Variants in ELF1 observed in about 807,000 individuals in gnomAD.
ELF1 encodes the protein E74 like ETS transcription factor 1, also known as ETS-related transcription factor Elf-1.
In ELF1, 24 loss-of-function variants were observed where a neutral mutation model predicts 59.9. The ratio of observed to expected loss-of-function variants is 0.40; its 90% CI spans 0.29 to 0.56. The LOEUF (loss-of-function observed/expected upper bound fraction) is 0.56. Ranked by LOEUF, ELF1 falls within the 20% of genes least tolerant of loss-of-function variation. ELF1 has a pLI of 0.44. For missense variants in ELF1, 627 were observed against 742.2 expected (o/e 0.84, Z 1.80); for synonymous variants, 248 against 266.2 (o/e 0.93, Z 0.67).
chr13:41,037,807 G>GA (rs1163912163), intron 1 of ELF1, among the ~76,000 whole-genome samples: 6 of 149,674 alleles, frequency 4.0e-5, no homozygotes, highest in East Asian at 2.0e-4. Flanking sequence ...AAAAAAAAAA[G>GA]AAAAAAAAGA....
At chr13:40,937,251 A>G (rs1314737704) in intron 8 of ELF1, among the ~76,000 whole-genome samples, 1 of 152,210 alleles carries the variant, frequency 6.6e-6, no homozygotes, top group African/African-American at 2.4e-5. Context: ...AAACAACTGG[A>G]AAAATATTGC....
At chr13:40,950,062 A>G in intron 4 of ELF1, 89 bp from the exon 5 acceptor site, 1 of 1,141,416 alleles carries the variant, frequency 8.8e-7, no homozygotes, top group Non-Finnish European at 1.2e-6. Context: ...TATTATGACT[A>G]GAAGATTAAA....
At chr13:41,014,462 T>C (rs2138374249) in intron 1 of ELF1, among the ~76,000 whole-genome samples, 1 of 152,260 alleles carries the variant, frequency 6.6e-6, no homozygotes, top group East Asian at 1.9e-4. Context: ...TGAGTTATTT[T>C]CCTCATATAA....
At chr13:41,032,675 C>T (rs1339748234) in intron 1 of ELF1, among the ~76,000 whole-genome samples, 1 of 151,884 alleles carries the variant, frequency 6.6e-6, no homozygotes, top group East Asian at 1.9e-4. Context: ...CACAGTGAGA[C>T]CCTGTCTCTA....
At chr13:40,983,283 G>C (rs571261502) in intron 1 of ELF1, among the ~76,000 whole-genome samples, 1 of 152,122 alleles carries the variant, frequency 6.6e-6, no homozygotes, top group Non-Finnish European at 1.5e-5. Flanking sequence ...AAAAGAAGTT[G>C]ACTCCAAGGA....
intron 5 of ELF1, among the ~76,000 whole-genome samples, chr13:40,945,439 T>TA (rs1287806618): frequency 6.6e-4 from 99 of 150,114 alleles, no homozygotes; most frequent in East Asian, 2.3e-3. Context: ...ACTGCCAATC[T>TA]AAAAAAAAAA....
In ELF1 at chr13:40,932,962, T is replaced by G. The variant is rs930549565; in HGVS notation, c.*463A>C. 6.1e-6 allele frequency: 1 copy of G among 164,254 alleles called. No individual in the cohort carries two copies. The allele number at this position is 164,254 out of a possible 1,614,324, so 10.2% of individuals were successfully genotyped here. Reference sequence around the variant, plus strand: ...ATAGTGCAGTCAACTAAAGTCAATCTAAGTGACACCATAATTTTAACAAAG... The same window carrying G: ...ATAGTGCAGTCAACTAAAGTCAATCGAAGTGACACCATAATTTTAACAAAG... On this transcript the variant is annotated 3_prime_UTR_variant, in exon 9 of 9. Transcript: ENST00000239882.
chr13:41,059,148 T>C (rs962749197), intron 1 of ELF1, among the ~76,000 whole-genome samples: 1 of 152,250 alleles, frequency 6.6e-6, no homozygotes, highest in African/African-American at 2.4e-5. Context: ...ACTTTCATTA[T>C]CTATTCAGGA....
At chr13:40,973,563 A>G (rs781601034) in intron 2 of ELF1, among the ~76,000 whole-genome samples, 1 of 152,148 alleles carries the variant, frequency 6.6e-6, no homozygotes, top group Non-Finnish European at 1.5e-5. Flanking sequence ...ACATAGCAAA[A>G]CTAAGACACA....
At chr13:41,029,806 G>A (rs898685579) in intron 1 of ELF1, among the ~76,000 whole-genome samples, 4 of 152,074 alleles carry the variant, frequency 2.6e-5, no homozygotes, top group Non-Finnish European at 4.4e-5. Context: ...GAGCTGGGGC[G>A]CCCTCCTTCT....
chr13:40,960,614 A>G (rs557652667), intron 2 of ELF1, among the ~76,000 whole-genome samples: 1 of 152,298 alleles, frequency 6.6e-6, no homozygotes, highest in East Asian at 1.9e-4. Flanking sequence ...ATTTATGTTC[A>G]TACTATTGAG....
chr13:41,007,230 G>A (rs1874810633), intron 1 of ELF1, among the ~76,000 whole-genome samples: 2 of 152,038 alleles, frequency 1.3e-5, no homozygotes, highest in Non-Finnish European at 2.9e-5. Flanking sequence ...AGCCCAAGGG[G>A]CTCAACTCAA....
In ELF1 at chr13:40,943,026, T is replaced by C. The variant is rs1870283230; in HGVS notation, c.732A>G (p.Lys244=). 1 of 1,613,266 alleles carries C rather than the reference T, an allele frequency of 6.2e-7. No homozygotes were observed. The highest frequency in any genetic ancestry group is 1.3e-5 in the African/African-American group (1 of 74,904). ...EKGIFKLVDS[K]AVSRLWGKHK... is the part of the protein sequence containing the mutation. Reference sequence around the variant, plus strand: ...GCTTCCCCCACAACCTGGACACTGCTTTAGAATCCACCAATTTAAAAATGC... The same window carrying C: ...GCTTCCCCCACAACCTGGACACTGCCTTAGAATCCACCAATTTAAAAATGC... The change falls in exon 7 of 9, where the codon AAA becomes AAG. Residue 244 remains lysine (K), a synonymous_variant. Coordinates refer to ENST00000239882, the MANE Select transcript of ELF1 (RefSeq NM_172373.4).
chr13:40,971,256 TTTTC>T (rs1449983284), intron 2 of ELF1, among the ~76,000 whole-genome samples: 1 of 152,136 alleles, frequency 6.6e-6, no homozygotes, highest in African/African-American at 2.4e-5. Flanking sequence ...AACAAGTTTG[TTTTC>T]TTTTTCTTTT....
intron 1 of ELF1, among the ~76,000 whole-genome samples, chr13:40,994,929 C>A (rs1362139555): frequency 6.6e-6 from 1 of 152,172 alleles, no homozygotes; most frequent in Non-Finnish European, 1.5e-5. Flanking sequence ...CCATTAGTAA[C>A]TGTTTCATGC....
intron 1 of ELF1, among the ~76,000 whole-genome samples, chr13:40,991,316 T>C (rs751298658): frequency 2.6e-5 from 4 of 152,256 alleles, no homozygotes; most frequent in Non-Finnish European, 5.9e-5. Context: ...GTTTATTAAT[T>C]TTGACAGATG....
intron 1 of ELF1, among the ~76,000 whole-genome samples, chr13:40,986,538 A>G (rs1873555935): frequency 6.6e-6 from 1 of 152,244 alleles, no homozygotes; most frequent in Non-Finnish European, 1.5e-5. Flanking sequence ...GCTATTTGCT[A>G]GACTCCAGAA....
intron 5 of ELF1, among the ~76,000 whole-genome samples, chr13:40,945,349 T>A (rs1030913896): frequency 6.6e-6 from 1 of 152,156 alleles, no homozygotes. Flanking sequence ...TGGTTAGATA[T>A]AGAATTTTTG....
rs1180810921 is a variant in ELF1 at position 40,996,566 on chromosome 13, C to A, written c.-228-14284G>T. ...GCCCAAACCCATAAAATGTACACCA[C>A]CATAAGTGAACCCTAATGTAAACTA... On this transcript the variant is annotated intron_variant, in intron 1 of 8. Coordinates refer to ENST00000239882, the MANE Select transcript of ELF1 (RefSeq NM_172373.4). Among the ~76,000 whole-genome samples the A allele has an allele frequency of 2.0e-5, 3 of 152,134 alleles. No individual in the cohort carries two copies. In the East Asian group the frequency reaches 5.8e-4, roughly 29 times the overall value.
Sources: allele counts gnomAD v4.1 joint callset (sites outside exome capture counted in the v4.1 genomes callset), GRCh38; gene constraint gnomAD v4.1.1; transcripts MANE v1.5; gene names NCBI Gene and HGNC (gene_info 2026-07-23, HGNC 2026-07-21).